Variants in USP6NL observed in about 807,000 individuals in gnomAD.
The protein encoded by USP6NL is USP6 N-terminal like.
Under a neutral mutation model 61.9 loss-of-function variants are expected in USP6NL, and 26 were observed. The observed-to-expected ratio is 0.42, with a 90% CI of 0.31 to 0.58. The LOEUF (loss-of-function observed/expected upper bound fraction) is 0.58. Ranked by LOEUF, USP6NL falls within the 20% of genes least tolerant of loss-of-function variation. The pLI is 0.16. For synonymous variants in USP6NL, 432 were observed against 390.1 expected, an observed-to-expected ratio of 1.11 and a Z score of -1.27; for missense variants, 1,114 against 1,034.3, an observed-to-expected ratio of 1.08 and a Z score of -1.06.
At chr10:11,523,257 A>G (rs1835280594) in intron 4 of USP6NL, among the ~76,000 whole-genome samples, 1 of 152,248 alleles carries the variant, frequency 6.6e-6, no homozygotes, top group Non-Finnish European at 1.5e-5. Flanking sequence ...ACATGGTTTT[A>G]TACCTAGAAA....
At chr10:11,604,135 T>C (rs183092238) in intron 1 of USP6NL, among the ~76,000 whole-genome samples, 98 of 152,352 alleles carry the variant, frequency 6.4e-4, no homozygotes, top group Admixed American at 1.2e-3. Context: ...TGTGGAATTA[T>C]GCATAAAAGA....
At position 11,485,927 on chromosome 10, in the gene USP6NL, A is replaced by G; in HGVS notation, c.665-16T>C. The G allele has an allele frequency of 6.7e-7, 1 of 1,502,786 alleles. No homozygotes were observed. Among genetic ancestry groups the G allele is most frequent in the Non-Finnish European group, 9.0e-7 (1 of 1,113,716 alleles). 93.1% of individuals were successfully genotyped at this position (1,502,786 alleles called of 1,614,324 possible). A position where few individuals can be genotyped will look rare whatever the true frequency, so the allele number is the denominator to read the frequency against. On this transcript the variant is annotated splice_polypyrimidine_tract_variant and intron_variant, in intron 10 of 14. Transcript: ENST00000609104. The surrounding 1 kb of genome is among the most constrained non-coding windows in gnomAD (Gnocchi z 4.8). Reference sequence around the variant, plus strand: ...ACAAAAAAGCCTAGAATACAAACATAAAAACAACATTTCATAAACAATACC... The same window carrying G: ...ACAAAAAAGCCTAGAATACAAACATGAAAACAACATTTCATAAACAATACC...
chr10:11,469,832 C>T (rs940689031), intron 14 of USP6NL, among the ~76,000 whole-genome samples: 6 of 152,172 alleles, frequency 3.9e-5, no homozygotes, highest in African/African-American at 1.4e-4. Context: ...TGATCCATGG[C>T]CAGGGAGCAG....
rs1023011837 is a variant in USP6NL, at chr10:11,595,579, G to C, written c.4+2052C>G. On this transcript the variant is annotated intron_variant, in intron 2 of 14. Coordinates refer to ENST00000609104, the MANE Select transcript of USP6NL (RefSeq NM_014688.5). The surrounding 1 kb of genome is among the most constrained non-coding windows in gnomAD (Gnocchi z 5.3). ...GACCCACTAACACAGACCTGATTCT[G>C]ATCTGGGAACTCCAAAGCCAGGCAG... Among the ~76,000 whole-genome samples the C allele has an allele frequency of 6.6e-6, 1 of 152,086 alleles. No homozygotes were observed. The highest frequency in any genetic ancestry group is 1.5e-5 in the Non-Finnish European group (1 of 68,016).
At chr10:11,607,514 T>C (rs1486308102) in intron 1 of USP6NL, among the ~76,000 whole-genome samples, 2 of 152,054 alleles carry the variant, frequency 1.3e-5, no homozygotes, top group Non-Finnish European at 2.9e-5. Flanking sequence ...AGAAACCTCA[T>C]CTCTACCAAA....
At chr10:11,479,688 G>A (rs1833117634) in intron 14 of USP6NL, among the ~76,000 whole-genome samples, 2 of 150,462 alleles carry the variant, frequency 1.3e-5, no homozygotes, top group Admixed American at 1.3e-4. Flanking sequence ...CCATTCTCCT[G>A]CCTCAACTTC....
At chr10:11,514,877 C>T (rs1466834026) in intron 5 of USP6NL, among the ~76,000 whole-genome samples, 1 of 152,204 alleles carries the variant, frequency 6.6e-6, no homozygotes, top group East Asian at 1.9e-4. Context: ...ATCATCTCCA[C>T]CTCTACTCCC....
At chr10:11,498,521 T>C (rs1834043137) in intron 7 of USP6NL, among the ~76,000 whole-genome samples, 1 of 152,032 alleles carries the variant, frequency 6.6e-6, no homozygotes, top group Non-Finnish European at 1.5e-5. Flanking sequence ...TAAGCTCAGT[T>C]TCCTCATGTG....
chr10:11,469,018 T>C (rs1832607251), intron 14 of USP6NL, among the ~76,000 whole-genome samples: 2 of 152,172 alleles, frequency 1.3e-5, no homozygotes, highest in Admixed American at 1.3e-4. Context: ...AACACAGAAA[T>C]GTCTCTCTCT....
chr10:11,593,770 AG>A (rs1239667205), intron 2 of USP6NL, among the ~76,000 whole-genome samples: 2 of 152,200 alleles, frequency 1.3e-5, no homozygotes, highest in Non-Finnish European at 2.9e-5. Flanking sequence ...CTGTGCCAAG[AG>A]GGTGCCATGG....
intron 14 of USP6NL, among the ~76,000 whole-genome samples, chr10:11,469,134 T>A (rs1257105486): frequency 1.3e-5 from 2 of 152,170 alleles, no homozygotes; most frequent in African/African-American, 2.4e-5. Flanking sequence ...GAGGCCAAAA[T>A]GCACACTGGG....
At chr10:11,475,494 G>A (rs1832934511) in intron 14 of USP6NL, among the ~76,000 whole-genome samples, 1 of 151,246 alleles carries the variant, frequency 6.6e-6, no homozygotes, top group African/African-American at 2.4e-5. Flanking sequence ...TATTTGGGAG[G>A]CTGAGGCAGG....
In USP6NL at chr10:11,602,697, A is replaced by C. The variant is rs1838578792; in HGVS notation, c.-83-4980T>G. Among the ~76,000 whole-genome samples the C allele has an allele frequency of 6.6e-6, 1 of 152,200 alleles. No individual in the cohort carries two copies. Among genetic ancestry groups the C allele is most frequent in the Non-Finnish European group, 1.5e-5 (1 of 68,026 alleles). ...GTTTTGAGCACTGACGTGACACTCA[A>C]AGGAAACGCTCATTAGGGCACTTTG... is the stretch of plus-strand genomic sequence containing the variant. On this transcript the variant is annotated intron_variant, in intron 1 of 14. Transcript: ENST00000609104. This position sits in a 1 kb window ranked among gnomAD's most constrained non-coding sequence, Gnocchi z 4.8.
chr10:11,574,458 C>T lies in USP6NL; in HGVS notation c.4+23173G>A, dbSNP rs1231182478. 6.6e-6 allele frequency among the ~76,000 whole-genome samples: 1 copy of T among 152,186 alleles called. No homozygotes were observed. The highest frequency in any genetic ancestry group is 1.9e-4 in the East Asian group (1 of 5,204). On this transcript the variant is annotated intron_variant, in intron 2 of 14. Transcript: ENST00000609104. This position sits in a 1 kb window ranked among gnomAD's most constrained non-coding sequence, Gnocchi z 4.3. ...AAAACAAGTATAACCACTGCTCCTT[C>T]CATATGATGTTTAACAGCCAAGTTG...
intron 2 of USP6NL, among the ~76,000 whole-genome samples, chr10:11,569,541 C>T (rs535807094): frequency 6.6e-6 from 1 of 152,166 alleles, no homozygotes; most frequent in Admixed American, 6.5e-5. Context: ...TCAATCTAAC[C>T]TAGAGAGGTG....
At chr10:11,545,709 C>T (rs569989096) in intron 2 of USP6NL, among the ~76,000 whole-genome samples, 2 of 152,326 alleles carry the variant, frequency 1.3e-5, no homozygotes, top group African/African-American at 4.8e-5. Context: ...GATCAATGTA[C>T]CTACCAGATG....
intron 4 of USP6NL, among the ~76,000 whole-genome samples, chr10:11,524,987 T>C (rs988115652): frequency 3.3e-5 from 5 of 152,228 alleles, no homozygotes; most frequent in Non-Finnish European, 4.4e-5. Context: ...GGAAGATGAA[T>C]GGCATTTCTT....
intron 2 of USP6NL, among the ~76,000 whole-genome samples, chr10:11,576,976 C>T (rs1837569716): frequency 6.6e-6 from 1 of 151,854 alleles, no homozygotes; most frequent in Admixed American, 6.6e-5. Flanking sequence ...CAAAGTTTTC[C>T]TGTACAAAAA....
intron 2 of USP6NL, among the ~76,000 whole-genome samples, chr10:11,555,135 G>C (rs2133504438): frequency 7.0e-6 from 1 of 143,668 alleles, no homozygotes; most frequent in East Asian, 2.1e-4. Context: ...ATCCTATGAG[G>C]CCAGGTGCAG....
Sources: allele counts gnomAD v4.1 joint callset (sites outside exome capture counted in the v4.1 genomes callset), GRCh38; gene constraint gnomAD v4.1.1; non-coding constraint Gnocchi (gnomAD v3.1); transcripts MANE v1.5; gene names NCBI Gene and HGNC (gene_info 2026-07-23, HGNC 2026-07-21).